GUCY1A1: variants seen among roughly 807,000 people sequenced by gnomAD.
GUCY1A1 encodes the protein guanylate cyclase 1 soluble subunit alpha 1.
Under a neutral mutation model 64.5 loss-of-function variants are expected in GUCY1A1, and 48 were observed. That is an observed-to-expected ratio of 0.74 (90% CI 0.59 to 0.95). The LOEUF is 0.95. GUCY1A1 is among the 40% of genes least tolerant of loss of function. The pLI is 0.00. For missense variants in GUCY1A1, 804 were observed against 825.3 expected, an observed-to-expected ratio of 0.97 and a Z score of 0.32; for synonymous variants, 308 against 303.4, an observed-to-expected ratio of 1.02 and a Z score of -0.16.
At chr4:155,724,879 A>G (rs965259695) in intron 9 of GUCY1A1, among the ~76,000 whole-genome samples, 5 of 152,090 alleles carry the variant, frequency 3.3e-5, no homozygotes, top group African/African-American at 7.2e-5. Flanking sequence ...ACTGGACCGA[A>G]TTAGAATGAG....
intron 9 of GUCY1A1, among the ~76,000 whole-genome samples, chr4:155,726,259 A>G (rs1734654088): frequency 6.6e-6 from 1 of 152,058 alleles, no homozygotes; most frequent in South Asian, 2.1e-4. Context: ...TAGGCAAAAT[A>G]TAAATACTTA....
chr4:155,710,871 A>G lies in GUCY1A1; in HGVS notation c.706A>G (p.Met236Val). The G allele has an allele frequency of 6.2e-7, 1 of 1,613,910 alleles. No homozygotes were observed. The highest frequency in any genetic ancestry group is 1.3e-5 in the African/African-American group (1 of 75,036). ...LYETEVEVSL[M>V]PPCFHNDCSE... ...TGAAACGGAAGTGGAAGTGTCGTTA[A>G]TGCCTCCCTGCTTCCATAATGATTG... Residue 236 changes from methionine to valine, a missense_variant, in exon 6 of 10, where the codon ATG (methionine) becomes GTG (valine). By Grantham distance (21) the Met-to-Val change is conservative. Transcript: ENST00000506455.
chr4:155,697,829 A>G (rs903636487), intron 3 of GUCY1A1, among the ~76,000 whole-genome samples: 2 of 152,178 alleles, frequency 1.3e-5, no homozygotes, highest in African/African-American at 4.8e-5. Context: ...CCTTGAAGGA[A>G]ACTTCTGGGA....
At chr4:155,707,748 A>G (rs1490572277) in intron 4 of GUCY1A1, among the ~76,000 whole-genome samples, 3 of 152,032 alleles carry the variant, frequency 2.0e-5, no homozygotes, top group Non-Finnish European at 2.9e-5. Context: ...TCTGGATGGT[A>G]TATGTCATTG....
intron 2 of GUCY1A1, among the ~76,000 whole-genome samples, chr4:155,672,110 T>G (rs184249811): frequency 9.6e-4 from 146 of 152,244 alleles, no homozygotes; most frequent in Non-Finnish European, 8.2e-4. Context: ...TCGAATTTTA[T>G]GTTTGGCCAC....
chr4:155,680,593 A>G (rs1046694046), intron 2 of GUCY1A1, among the ~76,000 whole-genome samples: 9 of 152,172 alleles, frequency 5.9e-5, no homozygotes, highest in Admixed American at 1.3e-4. Context: ...TTAACTACTA[A>G]TAGCTTACTG....
At chr4:155,705,938 G>T (rs1240142065) in intron 4 of GUCY1A1, among the ~76,000 whole-genome samples, 6 of 152,174 alleles carry the variant, frequency 3.9e-5, no homozygotes, top group Non-Finnish European at 5.9e-5. Flanking sequence ...CAGTCAAGCT[G>T]ATAAGATAGT....
intron 9 of GUCY1A1, among the ~76,000 whole-genome samples, chr4:155,726,725 G>A (rs1463379170): frequency 6.6e-6 from 1 of 151,886 alleles, no homozygotes; most frequent in Non-Finnish European, 1.5e-5. Context: ...ATACACTCCT[G>A]TTTTTTAAAC....
rs188437542 is a variant in GUCY1A1, at chr4:155,722,315, C to T, written c.1871+123C>T. 5,279 of 1,449,970 alleles carry T rather than the reference C, an allele frequency of 3.6e-3. 12 individuals are homozygous for T. Among genetic ancestry groups the T allele is most frequent in the Non-Finnish European group, 4.1e-3 (4,553 of 1,103,924 alleles). 89.8% of individuals were successfully genotyped at this position (1,449,970 alleles called of 1,614,324 possible). A position where few individuals can be genotyped will look rare whatever the true frequency, so the allele number is the denominator to read the frequency against. On this transcript the variant is annotated intron_variant, in intron 9 of 9. Transcript: ENST00000506455. The stretch of plus-strand genomic sequence containing the variant: ...TCCTTAGTCGTAAGGAAAAAAGAAA[C>T]GTGATAACTTTTATCATCCTCACTT...
At position 155,730,200 on chromosome 4, in the gene GUCY1A1, A is replaced by T. The variant is rs1554004221; in HGVS notation, c.2042A>T (p.Asn681Ile). ...QKKDVEDGNA[N>I]FLGKASGID is the part of the protein sequence containing the mutation. ...AAAGATGTGGAAGATGGCAATGCCAATTTTTTAGGCAAAGCATCAGGAATA... is the reference window on the plus strand; with the variant it reads ...AAAGATGTGGAAGATGGCAATGCCATTTTTTTAGGCAAAGCATCAGGAATA... The change falls in exon 10 of 10, where the codon AAT becomes ATT. Residue 681 changes from asparagine (N) to isoleucine (I), a missense_variant. Asn to Ile is a moderately radical substitution (Grantham distance 149). Transcript: ENST00000506455. 2 of 1,610,666 alleles carry T rather than the reference A, an allele frequency of 1.2e-6. No individual in the cohort carries two copies. Among genetic ancestry groups the T allele is most frequent in the Non-Finnish European group, 8.5e-7 (1 of 1,177,466 alleles).
chr4:155,699,806 AT>A (rs1424780691), intron 3 of GUCY1A1, among the ~76,000 whole-genome samples: 2 of 152,154 alleles, frequency 1.3e-5, no homozygotes, highest in African/African-American at 2.4e-5. Flanking sequence ...TGACATCACA[AT>A]TTTTGTTTTA....
chr4:155,694,489 T>C (rs1730172328), intron 2 of GUCY1A1, among the ~76,000 whole-genome samples: 1 of 152,218 alleles, frequency 6.6e-6, no homozygotes, highest in Non-Finnish European at 1.5e-5. Flanking sequence ...GAAATAACTT[T>C]GCTCCTATAG....
intron 5 of GUCY1A1, among the ~76,000 whole-genome samples, chr4:155,710,144 G>T (rs973516427): frequency 6.6e-6 from 1 of 152,206 alleles, no homozygotes; most frequent in Non-Finnish European, 1.5e-5. Flanking sequence ...CCCTTTTGCT[G>T]CTGGAAACCC....
In GUCY1A1 at chr4:155,727,459, G is replaced by T. The variant is rs1375035392; in HGVS notation, c.1872-2571G>T. Among the ~76,000 whole-genome samples the T allele has an allele frequency of 5.3e-5, 8 of 151,830 alleles. No individual in the cohort carries two copies. The East Asian group carries it at 1.4e-3, about 26-fold the overall frequency. On this transcript the variant is annotated intron_variant, in intron 9 of 9. Coordinates refer to ENST00000506455, the MANE Select transcript of GUCY1A1 (RefSeq NM_001130682.3). ...AATGCCCTTAATAAATTCAAATGATGCACTTTAAAGCCACTTCTAAAGGCT... is the reference window on the plus strand; with the variant it reads ...AATGCCCTTAATAAATTCAAATGATTCACTTTAAAGCCACTTCTAAAGGCT...
chr4:155,705,235 T>C (rs1000508537), intron 4 of GUCY1A1, among the ~76,000 whole-genome samples: 1 of 152,200 alleles, frequency 6.6e-6, no homozygotes, highest in Non-Finnish European at 1.5e-5. Flanking sequence ...GTGAATCAAA[T>C]ACAATTTAGC....
At chr4:155,676,015 C>T (rs1233351972) in intron 2 of GUCY1A1, among the ~76,000 whole-genome samples, 1 of 151,498 alleles carries the variant, frequency 6.6e-6, no homozygotes, top group East Asian at 1.9e-4. Flanking sequence ...TTTGGAGTGT[C>T]TCCTGGAGTC....
chr4:155,685,620 T>G (rs1433860964), intron 2 of GUCY1A1, among the ~76,000 whole-genome samples: 1 of 150,604 alleles, frequency 6.6e-6, no homozygotes, highest in Non-Finnish European at 1.5e-5. Flanking sequence ...TTTTTTTTTT[T>G]TTTTTTTCTC....
At chr4:155,708,368 A>G (rs888779501) in intron 5 of GUCY1A1, 74 bp downstream of exon 5, 4 of 793,654 alleles carry the variant, frequency 5.0e-6, no homozygotes, top group Non-Finnish European at 6.5e-6. Flanking sequence ...AAAAATATTC[A>G]TATTTATTTG....
intron 2 of GUCY1A1, among the ~76,000 whole-genome samples, chr4:155,673,038 C>A (rs187018704): frequency 6.6e-6 from 1 of 152,084 alleles, no homozygotes; most frequent in African/African-American, 2.4e-5. Context: ...CCTGTTTGTT[C>A]ATGTACTGTG....
Sources: gnomAD v4.1 joint callset for allele counts (sites outside exome capture counted in the v4.1 genomes callset) on GRCh38, gnomAD v4.1.1 for gene constraint, MANE v1.5 for transcripts, NCBI Gene and HGNC (gene_info 2026-07-23, HGNC 2026-07-21) for gene names.